Variants in ACOT9 observed in about 807,000 individuals in gnomAD.
The protein encoded by ACOT9 is acyl-CoA thioesterase 9, also known as acyl-coenzyme A thioesterase 9, mitochondrial.
In ACOT9, 34 loss-of-function variants were observed where a neutral mutation model predicts 39.7. That is an observed-to-expected ratio of 0.86 (90% confidence interval 0.65 to 1.14). ACOT9 has a LOEUF of 1.14. Ranked by LOEUF, ACOT9 falls within the 50% of genes most tolerant of loss-of-function variation. The probability of loss-of-function intolerance (pLI) is 0.00; values close to 1 mark genes in which losing one functional copy is unlikely to be tolerated. For synonymous variants in ACOT9, 110 were observed against 120.5 expected (o/e 0.91, Z 0.57); for missense variants, 313 against 344.1 (o/e 0.91, Z 0.71).
chrX:23,703,766 A>C lies in ACOT9; in HGVS notation c.*128T>G. 2.0e-6 allele frequency: 1 copy of C among 507,909 alleles called. No homozygotes were observed. Among genetic ancestry groups the C allele is most frequent in the Non-Finnish European group, 3.4e-6 (1 of 298,314 alleles). 41.9% of individuals were successfully genotyped at this position (507,909 alleles called of 1,213,427 possible). On this transcript the variant is annotated 3_prime_UTR_variant, in exon 16 of 16. Coordinates refer to ENST00000379303, the MANE Select transcript of ACOT9 (RefSeq NM_001037171.2). The stretch of plus-strand genomic sequence containing the variant: ...CTTTCTGCTTTTCTGATCATCCTAA[A>C]GGCTGAATACATCCTCCTCCTGTGT...
At position 23,730,747 on chromosome X, in the gene ACOT9, G is replaced by C. The variant is rs772361209; in HGVS notation, c.362+69C>G. ...TAAACAGGCGAATTGTATGGTGTGT[G>C]AATTATATTTCAAAATTGTTATAAA... On this transcript the variant is annotated intron_variant, in intron 5 of 15. Transcript: ENST00000379303. The C allele has an allele frequency of 1.6e-5, 17 of 1,064,146 alleles. No individual in the cohort carries two copies. In the Admixed American group the frequency reaches 4.6e-4, roughly 29 times the overall value. The allele number at this position is 1,064,146 out of a possible 1,213,427, so 87.7% of individuals were successfully genotyped here.
intron 2 of ACOT9, 116 bp from the exon 3 acceptor site, chrX:23,734,483 AAT>A (rs1929867466): frequency 1.8e-6 from 1 of 570,523 alleles, no homozygotes; most frequent in Admixed American, 3.5e-5. Flanking sequence ...AGCACTTCAA[AAT>A]ATACATTCCA....
intron 3 of ACOT9, 126 bp from the exon 4 acceptor site, chrX:23,733,343 C>A: frequency 1.7e-6 from 1 of 572,898 alleles, no homozygotes; most frequent in Non-Finnish European, 2.8e-6. Flanking sequence ...CATAGATTTC[C>A]ATTTAATGCC....
chrX:23,742,269 C>T (rs1035460280), intron 1 of ACOT9, among the ~76,000 whole-genome samples: 5 of 50,596 alleles, frequency 9.9e-5, no homozygotes, highest in Non-Finnish European at 1.3e-4. Flanking sequence ...ATCCAGGACC[C>T]CCAAGAGAAT....
intron 9 of ACOT9, among the ~76,000 whole-genome samples, chrX:23,708,734 A>G (rs1928793936): frequency 1.8e-5 from 2 of 111,277 alleles, no homozygotes; most frequent in Admixed American, 9.7e-5. Context: ...TGAAATCTGA[A>G]TACGGATCAC....
chrX:23,734,004 G>A (rs1200098309), intron 3 of ACOT9, among the ~76,000 whole-genome samples: 3 of 111,380 alleles, frequency 2.7e-5, no homozygotes, highest in African/African-American at 3.3e-5. Context: ...CAGGTGATCC[G>A]CCTGCCTCGG....
intron 13 of ACOT9, 53 bp from the exon 14 acceptor site, chrX:23,705,133 C>A: frequency 9.7e-7 from 1 of 1,029,012 alleles, no homozygotes; most frequent in South Asian, 2.0e-5. Context: ...CAGATGATCT[C>A]AATTGTTTCC....
In ACOT9 at chrX:23,729,534, G is replaced by C. The variant is rs1273563711; in HGVS notation, c.400+993C>G. Among the ~76,000 whole-genome samples the C allele has an allele frequency of 3.6e-5, 4 of 112,576 alleles. No homozygotes were observed. The South Asian group carries it at 1.4e-3, about 41-fold the overall frequency. On this transcript the variant is annotated intron_variant, in intron 6 of 15. Transcript: ENST00000379303. ...ATGGTTGTTTTGTAGTTATGTAGAAGAATGTCCTTGTTTGTAGGAAAGACA... is the reference window on the plus strand; with the variant it reads ...ATGGTTGTTTTGTAGTTATGTAGAACAATGTCCTTGTTTGTAGGAAAGACA...
intron 2 of ACOT9, among the ~76,000 whole-genome samples, chrX:23,735,363 G>A (rs1030449685): frequency 1.8e-5 from 2 of 108,646 alleles, no homozygotes; most frequent in Non-Finnish European, 3.8e-5. Flanking sequence ...TAAGAAGAGA[G>A]GCAAGTATTG....
intron 11 of ACOT9, 48 bp downstream of exon 11, chrX:23,706,580 A>AT: frequency 3.7e-5 from 22 of 601,356 alleles, no homozygotes; most frequent in African/African-American, 4.7e-5. Flanking sequence ...AAAAAAAAAA[A>AT]GGCCAAGGTT....
At chrX:23,712,621 T>C (rs1016669668) in intron 9 of ACOT9, among the ~76,000 whole-genome samples, 3 of 111,040 alleles carry the variant, frequency 2.7e-5, no homozygotes, top group African/African-American at 9.8e-5. Flanking sequence ...CAACATCTCT[T>C]TTTGTTGTTG....
intron 9 of ACOT9, among the ~76,000 whole-genome samples, chrX:23,712,349 G>A (rs1228447466): frequency 5.2e-5 from 5 of 95,609 alleles, no homozygotes; most frequent in African/African-American, 2.0e-4. Flanking sequence ...AGGTTGCAGT[G>A]AACCGAGATC....
rs1301528707 is a variant in ACOT9, at chrX:23,705,867, A to G, written c.843-9T>C. On this transcript the variant is annotated splice_polypyrimidine_tract_variant and intron_variant, in intron 11 of 15. Coordinates refer to ENST00000379303, the MANE Select transcript of ACOT9 (RefSeq NM_001037171.2). ...TCCGAAAACTTATAGTCCTGTACAAATGAATATTTATTAAACCCTGTTAAT... is the reference window on the plus strand; with the variant it reads ...TCCGAAAACTTATAGTCCTGTACAAGTGAATATTTATTAAACCCTGTTAAT... 3 of 1,152,714 alleles carry G rather than the reference A, an allele frequency of 2.6e-6. No individual in the cohort carries two copies. Among genetic ancestry groups the G allele is most frequent in the Non-Finnish European group, 2.4e-6 (2 of 842,771 alleles). The allele number at this position is 1,152,714 out of a possible 1,213,427, so 95.0% of individuals were successfully genotyped here.
Position 23,730,864 on chromosome X carries a change from C to T in ACOT9, c.314G>A (p.Ser105Asn), listed in dbSNP as rs1334167234. 4 of 1,209,769 alleles carry T rather than the reference C, an allele frequency of 3.3e-6. No homozygotes were observed. The Admixed American group carries it at 8.8e-5, about 26-fold the overall frequency. Residue 105 changes from serine to asparagine, a missense_variant, in exon 5 of 16, where the codon AGT becomes AAT. Transcript: ENST00000379303. ...ATATTTCTCTCGTAATTCAGGCTCA[C>T]TGCCCAAAGGCAAGAGAACTTCAAT... ...SYIEVLLPLG[S>N]EPELREKYLT...
Position 23,703,999 on chromosome X carries a change from A to G in ACOT9, c.1259-17T>C. The G allele has an allele frequency of 8.6e-7, 1 of 1,160,562 alleles. No individual in the cohort carries two copies. The highest frequency in any genetic ancestry group is 1.2e-6 in the Non-Finnish European group (1 of 850,949). On this transcript the variant is annotated splice_polypyrimidine_tract_variant and intron_variant, in intron 15 of 15. Coordinates refer to ENST00000379303, the MANE Select transcript of ACOT9 (RefSeq NM_001037171.2). ...ACATGGACTCTGAAACACAAGAAAG[A>G]GAACCTTGGAGAAACTTGTAATACC...
rs962730729 is a variant in ACOT9, at chrX:23,701,529, G to A, written c.*2365C>T. On this transcript the variant is annotated 3_prime_UTR_variant, in exon 16 of 16. Transcript: ENST00000379303. ...GTCTTGCTGTCACCCAGACTGGAGT[G>A]CAGTGGCATGATCATAGCTCACTGC... Among the ~76,000 whole-genome samples the A allele has an allele frequency of 9.0e-6, 1 of 111,438 alleles. No individual in the cohort carries two copies. The highest frequency in any genetic ancestry group is 3.3e-5 in the African/African-American group (1 of 30,662).
intron 8 of ACOT9, among the ~76,000 whole-genome samples, chrX:23,715,329 T>C (rs1354871507): frequency 1.8e-5 from 2 of 111,514 alleles, no homozygotes; most frequent in Non-Finnish European, 3.8e-5. Flanking sequence ...TATCTTTACC[T>C]GATGCCTTCC....
intron 8 of ACOT9, among the ~76,000 whole-genome samples, chrX:23,718,456 T>C (rs930451044): frequency 6.2e-5 from 7 of 112,512 alleles, no homozygotes; most frequent in Non-Finnish European, 1.1e-4. Flanking sequence ...TGAGTTCCAC[T>C]GGTTCTCTCT....
intron 3 of ACOT9, 69 bp from the exon 4 acceptor site, chrX:23,733,286 T>C: frequency 1.0e-6 from 1 of 964,747 alleles, no homozygotes; most frequent in African/African-American, 1.9e-5. Context: ...GGCAATGAGC[T>C]CAAGAACTAC....
Sources: gnomAD v4.1 joint callset for allele counts (sites outside exome capture counted in the v4.1 genomes callset) on GRCh38, gnomAD v4.1.1 for gene constraint, MANE v1.5 for transcripts, NCBI Gene and HGNC (gene_info 2026-07-23, HGNC 2026-07-21) for gene names.